PCDHA7: variants seen among roughly 807,000 people sequenced by gnomAD.
PCDHA7 encodes the protein protocadherin alpha-7.
A neutral mutation model predicts 57.2 loss-of-function variants in PCDHA7; 37 were observed. The observed-to-expected ratio is 0.65, with a 90% confidence interval of 0.50 to 0.85. The LOEUF (loss-of-function observed/expected upper bound fraction) is 0.85, where lower values mean the gene tolerates loss of function less well. PCDHA7 is among the 40% of genes least tolerant of loss of function. The pLI is 0.00. For missense variants in PCDHA7, 1,188 were observed against 1,241.8 expected (o/e 0.96, Z 0.65); for synonymous variants, 553 against 558.8 (o/e 0.99, Z 0.15).
intron 1 of PCDHA7, among the ~76,000 whole-genome samples, chr5:140,964,205 T>C (rs1483183685): frequency 6.6e-6 from 1 of 152,212 alleles, no homozygotes; most frequent in Admixed American, 6.5e-5. Context: ...TACCATCTCT[T>C]TAGTACAATG....
At chr5:141,004,192 C>G (rs2098157863) in intron 3 of PCDHA7, among the ~76,000 whole-genome samples, 1 of 152,192 alleles carries the variant, frequency 6.6e-6, no homozygotes, top group African/African-American at 2.4e-5. Flanking sequence ...TGCTCTTAAC[C>G]AAAAGGAATT....
At chr5:140,950,389 T>C (rs269550) in intron 1 of PCDHA7, among the ~76,000 whole-genome samples, 33,984 of 151,960 alleles carry the variant, frequency 0.22, 4,900 homozygotes, top group African/African-American at 0.41. Context: ...TTGAATGATA[T>C]AGAATTCTGG....
chr5:141,006,726 A>G (rs2098284944), intron 3 of PCDHA7, among the ~76,000 whole-genome samples: 1 of 152,172 alleles, frequency 6.6e-6, no homozygotes, highest in African/African-American at 2.4e-5. Flanking sequence ...CAGAAATGAC[A>G]GGTCTTGATG....
chr5:140,854,474 G>A (rs2043136313), intron 1 of PCDHA7: 1 of 149,900 alleles, frequency 6.7e-6, no homozygotes, highest in Non-Finnish European at 1.5e-5. Context: ...GAGTAGAGAA[G>A]TATAGAAACA....
chr5:140,972,987 T>C (rs2096567014), intron 1 of PCDHA7, among the ~76,000 whole-genome samples: 1 of 152,044 alleles, frequency 6.6e-6, no homozygotes, highest in Admixed American at 6.6e-5. Flanking sequence ...TAAGGTAGAT[T>C]CTGTGCATTT....
intron 1 of PCDHA7, chr5:140,849,576 G>T (rs2150441030): frequency 6.3e-7 from 1 of 1,598,698 alleles, no homozygotes; most frequent in East Asian, 2.2e-5. Context: ...TCCTGTAAAA[G>T]AGGACGCACA....
intron 1 of PCDHA7, among the ~76,000 whole-genome samples, chr5:140,922,046 A>C (rs1388720677): frequency 6.6e-6 from 1 of 152,150 alleles, no homozygotes; most frequent in Non-Finnish European, 1.5e-5. Flanking sequence ...TTTCCCACAT[A>C]CCTTCAAAAT....
At chr5:140,903,695 A>G (rs1325722558) in intron 1 of PCDHA7, among the ~76,000 whole-genome samples, 9 of 152,238 alleles carry the variant, frequency 5.9e-5, no homozygotes, top group African/African-American at 1.7e-4. Flanking sequence ...AATAGTTTAA[A>G]ATAGTAATAA....
chr5:140,895,044 C>T (rs964599264), intron 1 of PCDHA7, among the ~76,000 whole-genome samples: 24 of 152,112 alleles, frequency 1.6e-4, no homozygotes, highest in Non-Finnish European at 2.2e-4. Flanking sequence ...CCACCCACAC[C>T]ATTCTGCTTC....
At chr5:140,927,400 C>A in intron 1 of PCDHA7, 1 of 1,614,126 alleles carries the variant, frequency 6.2e-7, no homozygotes, top group Non-Finnish European at 8.5e-7. Context: ...TCAGCACTTT[C>A]GCCTGGACAT....
At chr5:140,966,874 A>C (rs782520756) in intron 1 of PCDHA7, 275 of 1,584,454 alleles carry the variant, frequency 1.7e-4, no homozygotes, top group Non-Finnish European at 2.3e-4. Flanking sequence ...TGCTGCTGCT[A>C]CCTGGCCCTG....
At chr5:140,858,061 C>A (rs1554151115) in intron 1 of PCDHA7, 1 of 1,597,498 alleles carries the variant, frequency 6.3e-7, no homozygotes, top group South Asian at 1.1e-5. Context: ...TTGTGGAGGG[C>A]AGCCAGGCAC....
At chr5:140,857,011 T>G in intron 1 of PCDHA7, 1 of 1,596,152 alleles carries the variant, frequency 6.3e-7, no homozygotes, top group Non-Finnish European at 8.6e-7. Flanking sequence ...ATGTAGATGT[T>G]ACAGATAAGG....
chr5:140,976,378 C>G (rs908008970), intron 1 of PCDHA7, among the ~76,000 whole-genome samples: 2 of 151,926 alleles, frequency 1.3e-5, no homozygotes, highest in Non-Finnish European at 2.9e-5. Flanking sequence ...TGGTGAAACC[C>G]CATCTCTACT....
Position 140,836,615 on chromosome 5 carries a change from G to T in PCDHA7, c.2232G>T (p.Ala744=), listed in dbSNP as rs2150265724. 33 of 1,613,516 alleles carry T rather than the reference G, an allele frequency of 2.0e-5. No individual in the cohort carries two copies. The highest frequency in any genetic ancestry group is 4.2e-6 in the Non-Finnish European group (5 of 1,179,754). The change falls in exon 1 of 4, where the codon GCG becomes GCT. Residue 744 remains alanine (A), a synonymous_variant. Coordinates refer to ENST00000525929, the MANE Select transcript of PCDHA7 (RefSeq NM_018910.3). ...AGCCCACTCTGGTGTGCTCCAGCGC[G>T]GTGGGGAGCTGGTCATTCTCCCAGC... The part of the protein sequence containing the change: ...LVKPTLVCSS[A]VGSWSFSQQR...
rs782776341 is a variant in PCDHA7 at position 140,884,056 on chromosome 5, G to A, written c.2355+47318G>A. On this transcript the variant is annotated intron_variant, in intron 1 of 3. Coordinates refer to ENST00000525929, the MANE Select transcript of PCDHA7 (RefSeq NM_018910.3). ...GCCACGTGGTGGCGAAGGTGCGCGC[G>A]GTGGACGCCGATTCGGGCTACAATG... 3.1e-6 allele frequency: 5 copies of A among 1,613,476 alleles called. No homozygotes were observed. In the South Asian group the frequency reaches 4.4e-5, roughly 14 times the overall value.
rs2150495935 is a variant in PCDHA7 at position 140,850,724 on chromosome 5, C to G, written c.2355+13986C>G. On this transcript the variant is annotated intron_variant, in intron 1 of 3. Coordinates refer to ENST00000525929, the MANE Select transcript of PCDHA7 (RefSeq NM_018910.3). ...GCAAGCCGACGCTGGTGTGTTCTAGCGCGGTGGGGAGTTGGTCGTACTCGC... is the reference window on the plus strand; with the variant it reads ...GCAAGCCGACGCTGGTGTGTTCTAGGGCGGTGGGGAGTTGGTCGTACTCGC... 5.0e-6 allele frequency: 8 copies of G among 1,597,668 alleles called. No individual in the cohort carries two copies. The African/African-American group carries it at 1.1e-4, about 22-fold the overall frequency.
At chr5:140,941,553 G>T in intron 1 of PCDHA7, among the ~76,000 whole-genome samples, 1 of 151,656 alleles carries the variant, frequency 6.6e-6, no homozygotes, top group East Asian at 2.0e-4. Context: ...CTGACCTCGT[G>T]ATCCATTCGC....
At chr5:140,945,142 A>G (rs2093746990) in intron 1 of PCDHA7, among the ~76,000 whole-genome samples, 1 of 152,184 alleles carries the variant, frequency 6.6e-6, no homozygotes. Context: ...AATCAATAGC[A>G]TTTCTATACA....
Sources: gnomAD v4.1 joint callset for allele counts (sites outside exome capture counted in the v4.1 genomes callset) on GRCh38, gnomAD v4.1.1 for gene constraint, MANE v1.5 for transcripts, NCBI Gene and HGNC (gene_info 2026-07-23, HGNC 2026-07-21) for gene names.